Variants in SUPV3L1 observed in about 807,000 individuals in gnomAD.
The protein encoded by SUPV3L1 is ATP-dependent RNA helicase SUPV3L1, mitochondrial.
In SUPV3L1, 35 loss-of-function variants were observed where a neutral mutation model predicts 70.0. That is an observed-to-expected ratio of 0.50 (90% CI 0.38 to 0.66). The LOEUF is 0.66. Ranked by LOEUF, SUPV3L1 falls within the 30% of genes least tolerant of loss-of-function variation. SUPV3L1 has a pLI of 0.00. For missense variants in SUPV3L1, 777 were observed against 961.5 expected, an observed-to-expected ratio of 0.81 and a Z score of 2.54; for synonymous variants, 364 against 341.9, an observed-to-expected ratio of 1.06 and a Z score of -0.71.
At chr10:69,207,071 A>G (rs1317057944) in intron 13 of SUPV3L1, among the ~76,000 whole-genome samples, 2 of 152,252 alleles carry the variant, frequency 1.3e-5, no homozygotes, top group African/African-American at 4.8e-5. Context: ...ATTTGAGGTT[A>G]TAGGACTATT....
At position 69,208,638 on chromosome 10, in the gene SUPV3L1, T is replaced by C. The variant is rs1278286879; in HGVS notation, c.1964T>C (p.Ile655Thr). The change falls in exon 15 of 15, where the codon ATT becomes ACT. Residue 655 changes from isoleucine to threonine, a missense_variant. Transcript: ENST00000359655. ...FMDMFPDASL[I>T]RDLQKELDGI... ...GATATGTTTCCAGATGCCAGCCTTA[T>C]TCGAGATCTCCAGAAAGAACTAGAT... 1.2e-6 allele frequency: 2 copies of C among 1,613,526 alleles called. No homozygotes were observed. Among genetic ancestry groups the C allele is most frequent in the African/African-American group, 1.3e-5 (1 of 74,918 alleles).
chr10:69,202,221 A>T (rs1842702320), intron 11 of SUPV3L1, among the ~76,000 whole-genome samples: 2 of 152,202 alleles, frequency 1.3e-5, no homozygotes, highest in Admixed American at 6.5e-5. Flanking sequence ...CTAATTTCTC[A>T]GTGGCCATAA....
chr10:69,203,530 G>C (rs1462699807), intron 13 of SUPV3L1, among the ~76,000 whole-genome samples: 1 of 151,662 alleles, frequency 6.6e-6, no homozygotes, highest in Non-Finnish European at 1.5e-5. Context: ...CGGGCATGGT[G>C]GTGGGCACCT....
intron 10 of SUPV3L1, 76 bp downstream of exon 10, chr10:69,199,273 T>C (rs1367235589): frequency 9.1e-7 from 1 of 1,093,358 alleles, no homozygotes; most frequent in African/African-American, 1.6e-5. Context: ...GTTTTCTAAT[T>C]GGCATTAATG....
intron 1 of SUPV3L1, among the ~76,000 whole-genome samples, chr10:69,184,532 T>A (rs1385510815): frequency 2.6e-5 from 4 of 151,592 alleles, no homozygotes; most frequent in African/African-American, 9.7e-5. Context: ...TGAAACACTG[T>A]CTCCAAGAAA....
intron 1 of SUPV3L1, chr10:69,182,420 A>AT: frequency 2.8e-6 from 2 of 714,764 alleles, no homozygotes; most frequent in Non-Finnish European, 1.7e-6. Flanking sequence ...ATTAAAGAAC[A>AT]ATTTTCCATT....
intron 8 of SUPV3L1, among the ~76,000 whole-genome samples, chr10:69,197,632 C>T (rs914450867): frequency 1.3e-5 from 2 of 152,090 alleles, no homozygotes; most frequent in Non-Finnish European, 2.9e-5. Flanking sequence ...TGCTGTGGTG[C>T]AATCACAACT....
chr10:69,185,533 G>A (rs1228609734), intron 1 of SUPV3L1, among the ~76,000 whole-genome samples: 5 of 143,560 alleles, frequency 3.5e-5, no homozygotes, highest in Middle Eastern at 3.5e-3. Context: ...ACGGAGACTC[G>A]CTCTGTCTCC....
At chr10:69,182,784 T>G in intron 1 of SUPV3L1, 1 of 698,316 alleles carries the variant, frequency 1.4e-6, no homozygotes, top group Non-Finnish European at 1.8e-6. Flanking sequence ...GTGGTTAAGG[T>G]GTCAGATTTC....
chr10:69,186,129 TGTAC>T, intron 2 of SUPV3L1, 65 bp downstream of exon 2: 1 of 1,390,920 alleles, frequency 7.2e-7, no homozygotes, highest in Non-Finnish European at 1.0e-6. Flanking sequence ...TGGTCAGGAC[TGTAC>T]GACCCCTCAT....
intron 2 of SUPV3L1, 85 bp downstream of exon 2, chr10:69,186,149 C>A: frequency 8.2e-7 from 1 of 1,219,348 alleles, no homozygotes; most frequent in South Asian, 1.3e-5. Context: ...CTCATGTGAC[C>A]TGGCTGTTGT....
chr10:69,180,643 C>G, intron 1 of SUPV3L1, 81 bp downstream of exon 1: 2 of 1,532,642 alleles, frequency 1.3e-6, no homozygotes, highest in Non-Finnish European at 1.8e-6. Context: ...ACATCCCCTT[C>G]CCCTGGGGAT....
At position 69,195,185 on chromosome 10, in the gene SUPV3L1, A is replaced by G; in HGVS notation, c.854-3A>G. On this transcript the variant is annotated splice_region_variant and splice_polypyrimidine_tract_variant and intron_variant, in intron 6 of 14. Coordinates refer to ENST00000359655, the MANE Select transcript of SUPV3L1 (RefSeq NM_003171.5). ...TTGCTCATGTTAACTTTTTTATTTT[A>G]AGATGAAGTGGCTGTAATTGATGAA... is the stretch of plus-strand genomic sequence containing the variant. 6.2e-7 allele frequency: 1 copy of G among 1,609,518 alleles called. No homozygotes were observed. Among genetic ancestry groups the G allele is most frequent in the South Asian group, 1.1e-5 (1 of 90,350 alleles).
chr10:69,208,003 G>C, intron 14 of SUPV3L1, 62 bp downstream of exon 14: 1 of 1,567,462 alleles, frequency 6.4e-7, no homozygotes, highest in Non-Finnish European at 8.7e-7. Flanking sequence ...AAGGTTTTAT[G>C]AATTTGTTTT....
chr10:69,202,442 G>C lies in SUPV3L1; in HGVS notation c.1522G>C (p.Ala508Pro). 1 of 1,607,756 alleles carries C rather than the reference G, an allele frequency of 6.2e-7. No homozygotes were observed. The highest frequency in any genetic ancestry group is 1.1e-5 in the South Asian group (1 of 89,916). Residue 508 changes from alanine (A) to proline (P), a missense_variant, in exon 12 of 15, where the codon GCT (alanine) becomes CCT (proline). Physicochemically the swap from Ala to Pro is conservative, Grantham distance 27. Coordinates refer to ENST00000359655, the MANE Select transcript of SUPV3L1 (RefSeq NM_003171.5). The stretch of plus-strand genomic sequence containing the variant: ...TTGTTTTTTCTTTTACTAAAAGGCA[G>C]CTGGTCTTCATCCAACTGCTGAGCA... ...LKRPVDPIRA[A>P]GLHPTAEQIE...
In SUPV3L1 at chr10:69,208,951, A is replaced by G. The variant is rs1842910280; in HGVS notation, c.2277A>G (p.Gln759=). Residue 759 remains glutamine, a synonymous_variant, in exon 15 of 15, where the codon CAA becomes CAG. Coordinates refer to ENST00000359655, the MANE Select transcript of SUPV3L1 (RefSeq NM_003171.5). ...KQLEKEWMTQ[Q]TEHNKEKTES... ...TAGAAAAAGAGTGGATGACACAACA[A>G]ACTGAACACAACAAAGAAAAAACAG... 1 of 1,614,082 alleles carries G rather than the reference A, an allele frequency of 6.2e-7. No homozygotes were observed. Among genetic ancestry groups the G allele is most frequent in the African/African-American group, 1.3e-5 (1 of 74,930 alleles).
chr10:69,191,973 A>G (rs1842410833), intron 6 of SUPV3L1: 1 of 394,012 alleles, frequency 2.5e-6, no homozygotes, highest in Non-Finnish European at 4.7e-6. Context: ...CACCCGGCTA[A>G]TTTTTGTATT....
At chr10:69,197,465 A>G (rs1163946788) in intron 8 of SUPV3L1, among the ~76,000 whole-genome samples, 1 of 152,196 alleles carries the variant, frequency 6.6e-6, no homozygotes, top group African/African-American at 2.4e-5. Flanking sequence ...TGCCAGACAC[A>G]GTTTATATTC....
chr10:69,208,062 A>G (rs951936511), intron 14 of SUPV3L1, 121 bp downstream of exon 14: 14 of 1,259,186 alleles, frequency 1.1e-5, no homozygotes, highest in East Asian at 4.7e-5. Context: ...TATTATGTCT[A>G]TTGTCCATAA....
Sources: gnomAD v4.1 joint callset for allele counts (sites outside exome capture counted in the v4.1 genomes callset) on GRCh38, gnomAD v4.1.1 for gene constraint, MANE v1.5 for transcripts, NCBI Gene and HGNC (gene_info 2026-07-23, HGNC 2026-07-21) for gene names.